Variants in ACAD11 observed in about 807,000 individuals in gnomAD.
ACAD11 encodes acyl-Coenzyme A dehydrogenase family, member 11.
In ACAD11, 83 loss-of-function variants were observed where a neutral mutation model predicts 102.2. That is an observed-to-expected ratio of 0.81 (90% CI 0.68 to 0.97). The LOEUF (loss-of-function observed/expected upper bound fraction) is 0.97, where lower values mean the gene tolerates loss of function less well. Ranked by LOEUF, ACAD11 falls within the 50% of genes least tolerant of loss-of-function variation. The pLI, the probability that ACAD11 is intolerant of heterozygous loss-of-function variation, is 0.00. For synonymous variants in ACAD11, 324 were observed against 319.8 expected (o/e 1.01, Z -0.14); for missense variants, 901 against 951.7 (o/e 0.95, Z 0.70).
At chr3:132,602,157 T>C (rs1938636393) in intron 13 of ACAD11, 1 of 166,602 alleles carries the variant, frequency 6.0e-6, no homozygotes, top group South Asian at 2.1e-4. Context: ...AATTTGTAAG[T>C]AATTTTATAA....
intron 9 of ACAD11, among the ~76,000 whole-genome samples, chr3:132,622,066 AAC>A (rs1332511098): frequency 1.3e-5 from 2 of 152,154 alleles, no homozygotes; most frequent in Non-Finnish European, 2.9e-5. Flanking sequence ...ATTGGAGTAT[AAC>A]AGCATTTTCC....
At position 132,558,946 on chromosome 3, in the gene ACAD11, G is replaced by C; in HGVS notation, c.*25C>G. 1 of 1,544,134 alleles carries C rather than the reference G, an allele frequency of 6.5e-7. No homozygotes were observed. The highest frequency in any genetic ancestry group is 8.9e-7 in the Non-Finnish European group (1 of 1,121,906). ...TTTGTATAAAGGAGAGTTTCTGCCA[G>C]TGGGATGTGGCAGTGCCACCCTCCT... On this transcript the variant is annotated 3_prime_UTR_variant, in exon 20 of 20. Transcript: ENST00000264990.
At chr3:132,636,510 T>C (rs1272688942) in intron 5 of ACAD11, among the ~76,000 whole-genome samples, 1 of 151,988 alleles carries the variant, frequency 6.6e-6, no homozygotes, top group Non-Finnish European at 1.5e-5. Flanking sequence ...GGGAAGAAAA[T>C]AATAGAATTT....
At chr3:132,566,183 G>A (rs1280081906) in intron 17 of ACAD11, among the ~76,000 whole-genome samples, 1 of 150,912 alleles carries the variant, frequency 6.6e-6, no homozygotes, top group African/African-American at 2.4e-5. Context: ...CAAATAAAAA[G>A]CTCAGTAAAT....
chr3:132,619,171 G>T (rs1381664501), intron 10 of ACAD11, among the ~76,000 whole-genome samples: 4 of 152,076 alleles, frequency 2.6e-5, no homozygotes, highest in Non-Finnish European at 5.9e-5. Flanking sequence ...AATTCTATGT[G>T]GGACAAATGC....
chr3:132,641,914 A>T, intron 4 of ACAD11, 58 bp downstream of exon 4: 1 of 1,458,072 alleles, frequency 6.9e-7, no homozygotes, highest in Admixed American at 2.1e-5. Flanking sequence ...TTGTTGACTA[A>T]TAAGGTATAT....
chr3:132,558,805 AAAT>A lies in ACAD11; in HGVS notation c.*163_*165del, dbSNP rs1174634621. The A allele has an allele frequency of 3.5e-6, 2 of 579,646 alleles. No homozygotes were observed. Among genetic ancestry groups the A allele is most frequent in the Non-Finnish European group, 6.0e-6 (2 of 332,888 alleles). 35.9% of individuals were successfully genotyped at this position (579,646 alleles called of 1,614,324 possible). A position where few individuals can be genotyped will look rare whatever the true frequency, so the allele number is the denominator to read the frequency against. ...TGAACTTAACCCTGTGTGACCCTTGAAATAATAAAACCCACTGATCAAAATAGA... is the reference window on the plus strand; with the variant it reads ...TGAACTTAACCCTGTGTGACCCTTGAAATAAAACCCACTGATCAAAATAGA... On this transcript the variant is annotated 3_prime_UTR_variant, in exon 20 of 20. Transcript: ENST00000264990.
chr3:132,620,288 G>A (rs2107849260), intron 9 of ACAD11: 1 of 152,320 alleles, frequency 6.6e-6, no homozygotes, highest in East Asian at 1.9e-4. Context: ...TTTCACCCAA[G>A]TTTGGGACTG....
Position 132,561,195 on chromosome 3 carries a change from G to A in ACAD11, c.2024C>T (p.Ala675Val), listed in dbSNP as rs1937046164. 2 of 1,613,194 alleles carry A rather than the reference G, an allele frequency of 1.2e-6. No individual in the cohort carries two copies. The highest frequency in any genetic ancestry group is 1.7e-6 in the Non-Finnish European group (2 of 1,179,498). ...YAHEVVAHWI[A>V]ESRIAIEKIR... is the part of the protein sequence containing the mutation. ...CTTCTCAATGGCAATGCGGCTTTCA[G>A]CAATCCAGTGAGCCACAACCTCCTA... Residue 675 changes from alanine to valine, a missense_variant, in exon 18 of 20, where the codon GCT (alanine) becomes GTT (valine). Ala to Val is a moderately conservative substitution (Grantham distance 64). Transcript: ENST00000264990.
chr3:132,604,105 C>A (rs184906401), intron 12 of ACAD11, among the ~76,000 whole-genome samples: 1 of 152,138 alleles, frequency 6.6e-6, no homozygotes. Context: ...AAACGGAGAT[C>A]AGTTCTGCTA....
intron 13 of ACAD11, among the ~76,000 whole-genome samples, chr3:132,591,478 G>A (rs1006755306): frequency 1.5e-4 from 23 of 152,200 alleles, no homozygotes; most frequent in Non-Finnish European, 3.2e-4. Flanking sequence ...GTGAGCTGAA[G>A]TAAAATCTTC....
intron 13 of ACAD11, among the ~76,000 whole-genome samples, chr3:132,596,425 GT>G (rs200719958): frequency 4.6e-5 from 7 of 151,546 alleles, no homozygotes; most frequent in African/African-American, 1.5e-4. Context: ...GAACTTAAAA[GT>G]TTTTTTTTAA....
chr3:132,620,523 T>C (rs1168467414), intron 9 of ACAD11: 1 of 151,994 alleles, frequency 6.6e-6, no homozygotes, highest in African/African-American at 2.4e-5. Flanking sequence ...TTAGTAAGAG[T>C]TAGCAAAAAC....
intron 19 of ACAD11, 44 bp downstream of exon 19, chr3:132,559,789 C>T: frequency 6.6e-7 from 1 of 1,517,098 alleles, no homozygotes; most frequent in Non-Finnish European, 9.1e-7. Flanking sequence ...TTTTTACCTC[C>T]ACGCCTATCA....
intron 11 of ACAD11, among the ~76,000 whole-genome samples, chr3:132,615,223 G>C (rs1238166415): frequency 6.6e-6 from 1 of 151,330 alleles, no homozygotes; most frequent in African/African-American, 2.5e-5. Context: ...TTACACTGTT[G>C]GTGGGAGTGT....
intron 13 of ACAD11, chr3:132,602,067 A>G (rs1938631652): frequency 6.0e-6 from 1 of 166,918 alleles, no homozygotes; most frequent in Admixed American, 6.5e-5. Context: ...TTTTAATACA[A>G]GAACGATTTC....
rs1438588067 is a variant in ACAD11 at position 132,631,398 on chromosome 3, A to C, written c.784T>G (p.Tyr262Asp). The C allele has an allele frequency of 4.5e-6, 7 of 1,567,626 alleles. No homozygotes were observed. The highest frequency in any genetic ancestry group is 5.2e-6 in the Non-Finnish European group (6 of 1,154,664). ...LSDLAHFSLF[Y>D]FWPRTVPMIN... The stretch of plus-strand genomic sequence containing the variant: ...ATTGGAACTGTCCTTGGCCAAAAGT[A>C]GAACAGGGAAAAATGAGCTAAGTCT... Residue 262 changes from tyrosine to aspartate, a missense_variant, in exon 6 of 20, where the codon TAC (tyrosine) becomes GAC (aspartate). Coordinates refer to ENST00000264990, the MANE Select transcript of ACAD11 (RefSeq NM_032169.5).
Position 132,576,941 on chromosome 3 carries a change from C to T in ACAD11, c.1846+3G>A. ...TGAAGAATCATTTCCAAATTCAACT[C>T]ACCTAGTATTAGATTTGTGGCAGGA... On this transcript the variant is annotated splice_donor_region_variant and intron_variant, in intron 16 of 19. Coordinates refer to ENST00000264990, the MANE Select transcript of ACAD11 (RefSeq NM_032169.5). 1 of 1,596,948 alleles carries T rather than the reference C, an allele frequency of 6.3e-7. No homozygotes were observed. The highest frequency in any genetic ancestry group is 8.6e-7 in the Non-Finnish European group (1 of 1,165,512).
chr3:132,599,690 AAG>A (rs1347893126), intron 13 of ACAD11, among the ~76,000 whole-genome samples: 1 of 152,120 alleles, frequency 6.6e-6, no homozygotes. Flanking sequence ...GGATGAAGGT[AAG>A]AGAGAAGACA....
Sources: gnomAD v4.1 joint callset for allele counts (sites outside exome capture counted in the v4.1 genomes callset) on GRCh38, gnomAD v4.1.1 for gene constraint, MANE v1.5 for transcripts, NCBI Gene and HGNC (gene_info 2026-07-23, HGNC 2026-07-21) for gene names.